Variants in VEPH1 observed in about 807,000 individuals in gnomAD.
VEPH1 encodes the protein ventricular zone expressed PH domain containing 1.
Under a neutral mutation model 85.2 loss-of-function variants are expected in VEPH1, and 80 were observed. The ratio of observed to expected loss-of-function variants is 0.94; its 90% CI spans 0.78 to 1.13. VEPH1 has a LOEUF of 1.13. Among genes scored for constraint, VEPH1 ranks in the 50% most tolerant of loss-of-function variants. VEPH1 has a pLI of 0.00. For synonymous variants in VEPH1, 297 were observed against 348.0 expected (o/e 0.85, Z 1.63); for missense variants, 955 against 980.5 (o/e 0.97, Z 0.35).
chr3:157,279,431 G>A (rs553336965), intron 12 of VEPH1, among the ~76,000 whole-genome samples: 31 of 152,296 alleles, frequency 2.0e-4, no homozygotes, highest in Non-Finnish European at 3.8e-4. Context: ...CAAGGTTAGA[G>A]AGGGTTGAGT....
chr3:157,325,977 T>G (rs1721858299), intron 9 of VEPH1, among the ~76,000 whole-genome samples: 1 of 152,244 alleles, frequency 6.6e-6, no homozygotes, highest in Non-Finnish European at 1.5e-5. Context: ...TGGAATGTTT[T>G]TCCATTTCTT....
intron 2 of VEPH1, among the ~76,000 whole-genome samples, chr3:157,481,672 C>A (rs894062277): frequency 1.4e-4 from 22 of 152,028 alleles, no homozygotes; most frequent in African/African-American, 5.3e-4. Flanking sequence ...GTCATAAATT[C>A]TTTCCCAAGA....
At chr3:157,423,016 T>C (rs1732468170) in intron 5 of VEPH1, among the ~76,000 whole-genome samples, 1 of 152,224 alleles carries the variant, frequency 6.6e-6, no homozygotes, top group Non-Finnish European at 1.5e-5. Flanking sequence ...ACCTTGACCC[T>C]GTTGAGCCAC....
At chr3:157,380,473 A>C (rs769977866) in intron 7 of VEPH1, among the ~76,000 whole-genome samples, 40 of 152,228 alleles carry the variant, frequency 2.6e-4, no homozygotes, top group Non-Finnish European at 4.7e-4. Flanking sequence ...TCCTTGTAAC[A>C]TAACCCTAGT....
chr3:157,341,458 C>G (rs1559973812), intron 9 of VEPH1, among the ~76,000 whole-genome samples: 1 of 152,022 alleles, frequency 6.6e-6, no homozygotes, highest in Non-Finnish European at 1.5e-5. Flanking sequence ...AACGAAGTGA[C>G]AAGAGAAGTT....
intron 4 of VEPH1, among the ~76,000 whole-genome samples, chr3:157,458,254 C>T (rs1114237): frequency 0.14 from 21,980 of 151,816 alleles, 2,009 homozygotes; most frequent in African/African-American, 0.24. Context: ...TTCTCTATTA[C>T]CTTCTTTATT....
At chr3:157,409,684 C>A in intron 6 of VEPH1, 1 of 985,398 alleles carries the variant, frequency 1.0e-6, no homozygotes, top group Non-Finnish European at 1.2e-6. Flanking sequence ...AGTCTGCTCA[C>A]CCAGATGGGC....
intron 4 of VEPH1, among the ~76,000 whole-genome samples, chr3:157,436,007 TG>T (rs1733544919): frequency 6.6e-6 from 1 of 152,150 alleles, no homozygotes; most frequent in East Asian, 1.9e-4. Flanking sequence ...CCGGGTGAGG[TG>T]GCTCACGTCT....
intron 4 of VEPH1, chr3:157,437,472 G>T: frequency 6.4e-7 from 1 of 1,574,662 alleles, no homozygotes. Context: ...TCCAAGGCAG[G>T]CCTGGGCGGG....
intron 2 of VEPH1, among the ~76,000 whole-genome samples, chr3:157,483,123 T>TACAGACAC (rs1738278830): frequency 6.8e-6 from 1 of 146,936 alleles, no homozygotes; most frequent in Admixed American, 6.8e-5. Flanking sequence ...TTTAAAAGCA[T>TACAGACAC]ACACACACAC....
At chr3:157,437,430 C>G (rs1733687904) in intron 4 of VEPH1, 2 of 1,514,754 alleles carry the variant, frequency 1.3e-6, no homozygotes, top group Non-Finnish European at 1.8e-6. Context: ...CAACTTGGCA[C>G]CACCGAGGGA....
At chr3:157,391,387 G>T (rs1211737600) in intron 6 of VEPH1, among the ~76,000 whole-genome samples, 1 of 152,204 alleles carries the variant, frequency 6.6e-6, no homozygotes, top group Non-Finnish European at 1.5e-5. Context: ...TTTCTTTCAA[G>T]CCCTAGAGCT....
In VEPH1 at chr3:157,269,642, G is replaced by GTTTTTTTTTT. The variant is rs11408861; in HGVS notation, c.2129-3990_2129-3981dup. Among the ~76,000 whole-genome samples the GTTTTTTTTTT allele has an allele frequency of 4.1e-3, 474 of 115,324 alleles. 2 individuals carry two copies. The highest frequency in any genetic ancestry group is 5.4e-3 in the Non-Finnish European group (310 of 57,294). 75.7% of individuals were successfully genotyped at this position (115,324 alleles called of 152,430 possible). ...TTTGTTTTTTGTTTTTGTTTTTGTTGTTTTTTTTTTTTTTTTTTGCTATTA... is the reference window on the plus strand; with the variant it reads ...TTTGTTTTTTGTTTTTGTTTTTGTTGTTTTTTTTTTTTTTTTTTTTTTTTTTTTGCTATTA... On this transcript the variant is annotated intron_variant, in intron 12 of 13. Coordinates refer to ENST00000362010, the MANE Select transcript of VEPH1 (RefSeq NM_001167912.2).
At chr3:157,430,552 G>C (rs1173930019) in intron 4 of VEPH1, among the ~76,000 whole-genome samples, 1 of 152,172 alleles carries the variant, frequency 6.6e-6, no homozygotes, top group Non-Finnish European at 1.5e-5. Flanking sequence ...GTGCAAAAAT[G>C]AGAGATATTT....
intron 11 of VEPH1, among the ~76,000 whole-genome samples, chr3:157,289,168 A>G (rs1717162313): frequency 6.6e-6 from 1 of 152,230 alleles, no homozygotes; most frequent in African/African-American, 2.4e-5. Flanking sequence ...GGCCATTGCC[A>G]TGCACATTAC....
At chr3:157,297,094 C>T (rs1718227786) in intron 11 of VEPH1, among the ~76,000 whole-genome samples, 1 of 151,976 alleles carries the variant, frequency 6.6e-6, no homozygotes, top group African/African-American at 2.4e-5. Flanking sequence ...CATAGTGAGA[C>T]CCCATCTCAA....
At chr3:157,301,177 T>C (rs1718752929) in intron 11 of VEPH1, among the ~76,000 whole-genome samples, 1 of 152,198 alleles carries the variant, frequency 6.6e-6, no homozygotes, top group Non-Finnish European at 1.5e-5. Flanking sequence ...CCGTGGTCAG[T>C]TAACTTCATC....
intron 6 of VEPH1, chr3:157,381,783 C>A (rs181276581): frequency 3.6e-4 from 63 of 177,078 alleles, no homozygotes; most frequent in African/African-American, 1.4e-3. Context: ...GATGATAATT[C>A]TATAGGGAGC....
intron 4 of VEPH1, chr3:157,459,538 T>A: frequency 1.1e-6 from 1 of 951,226 alleles, no homozygotes; most frequent in Non-Finnish European, 1.3e-6. Context: ...ATTAATATCA[T>A]GTATTGTTCT....
Sources: allele counts gnomAD v4.1 joint callset (sites outside exome capture counted in the v4.1 genomes callset), GRCh38; gene constraint gnomAD v4.1.1; transcripts MANE v1.5; gene names NCBI Gene and HGNC (gene_info 2026-07-23, HGNC 2026-07-21).